NTM: variants seen among roughly 807,000 people sequenced by gnomAD.
NTM encodes the protein neurotrimin.
In NTM, 13 loss-of-function variants were observed where a neutral mutation model predicts 42.1. The ratio of observed to expected loss-of-function variants is 0.31; its 90% CI spans 0.20 to 0.49. NTM has a LOEUF of 0.49. NTM is among the 20% of genes least tolerant of loss of function. The pLI is 0.99. For synonymous variants in NTM, 187 were observed against 179.2 expected (o/e 1.04, Z -0.35); for missense variants, 373 against 452.8 (o/e 0.82, Z 1.60).
At chr11:132,175,618 C>T (rs4316517) in intron 3 of NTM, among the ~76,000 whole-genome samples, 90,626 of 150,952 alleles carry the variant, frequency 0.6, 27,642 homozygotes, top group Non-Finnish European at 0.64. Flanking sequence ...GACAGAGTCT[C>T]GCTCAGTCGC....
intron 1 of NTM, among the ~76,000 whole-genome samples, chr11:131,675,389 A>C (rs2071201208): frequency 2.0e-5 from 3 of 152,232 alleles, no homozygotes. Context: ...TATCTTACAT[A>C]ACCAGTAATA....
At chr11:131,813,678 G>A (rs1041023558) in intron 1 of NTM, among the ~76,000 whole-genome samples, 1 of 152,056 alleles carries the variant, frequency 6.6e-6, no homozygotes, top group Non-Finnish European at 1.5e-5. Context: ...AAATCAAAGT[G>A]GTATTATAAT....
At chr11:131,478,964 TGAG>T (rs1953254413) in intron 1 of NTM, among the ~76,000 whole-genome samples, 1 of 152,340 alleles carries the variant, frequency 6.6e-6, no homozygotes, top group Admixed American at 6.5e-5. Flanking sequence ...CTCCAGGACT[TGAG>T]GAGCTTGGTG....
chr11:131,714,044 C>T (rs528408832), intron 1 of NTM, among the ~76,000 whole-genome samples: 57 of 152,262 alleles, frequency 3.7e-4, no homozygotes, highest in African/African-American at 1.3e-3. Context: ...GGCTTTCTTC[C>T]CTTACTGGTC....
At chr11:132,158,746 C>G (rs1277230310) in intron 3 of NTM, among the ~76,000 whole-genome samples, 1 of 152,220 alleles carries the variant, frequency 6.6e-6, no homozygotes, top group African/African-American at 2.4e-5. Context: ...TTACTTCTAT[C>G]AAAATGTTTT....
intron 1 of NTM, among the ~76,000 whole-genome samples, chr11:131,430,817 T>C (rs1360215562): frequency 6.6e-6 from 1 of 152,248 alleles, no homozygotes; most frequent in Non-Finnish European, 1.5e-5. Context: ...AGGACCTTTC[T>C]GGGCCACACA....
intron 2 of NTM, among the ~76,000 whole-genome samples, chr11:131,929,150 G>GA (rs2058301433): frequency 6.6e-6 from 1 of 151,144 alleles, no homozygotes; most frequent in African/African-American, 2.5e-5. Context: ...GGCAGCCAGG[G>GA]AGGGAAAGGA....
At chr11:132,309,893 T>TA (rs1429932763) in intron 5 of NTM, among the ~76,000 whole-genome samples, 1 of 151,974 alleles carries the variant, frequency 6.6e-6, no homozygotes, top group African/African-American at 2.4e-5. Context: ...CCGTCGCTGC[T>TA]AAAAATACAA....
intron 2 of NTM, among the ~76,000 whole-genome samples, chr11:132,075,676 A>G (rs544681164): frequency 2.6e-5 from 4 of 152,336 alleles, no homozygotes; most frequent in African/African-American, 9.6e-5. Context: ...ATCTAAAAAT[A>G]AACTGTTTAT....
intron 1 of NTM, among the ~76,000 whole-genome samples, chr11:131,800,984 G>A (rs1321650559): frequency 6.6e-6 from 1 of 152,136 alleles, no homozygotes; most frequent in African/African-American, 2.4e-5. Flanking sequence ...CCGGTTATAG[G>A]AAATTGCTAT....
chr11:132,334,851 C>T (rs186648072), intron 8 of NTM, 195 bp from the exon 9 acceptor site: 17 of 451,062 alleles, frequency 3.8e-5, no homozygotes, highest in South Asian at 1.9e-4. Flanking sequence ...GAAGGCTTCC[C>T]GTTATCTAGT....
At chr11:132,038,727 A>G (rs1432308070) in intron 2 of NTM, among the ~76,000 whole-genome samples, 1 of 152,158 alleles carries the variant, frequency 6.6e-6, no homozygotes, top group Non-Finnish European at 1.5e-5. Context: ...TTGCATGGAT[A>G]TTCCAGGTGA....
intron 1 of NTM, among the ~76,000 whole-genome samples, chr11:131,726,321 ATGG>A (rs2078965425): frequency 6.6e-6 from 1 of 152,142 alleles, no homozygotes; most frequent in Admixed American, 6.5e-5. Context: ...GCTTAAAAAA[ATGG>A]TGGTTGCACA....
In NTM at chr11:131,598,555, C is replaced by A. The variant is rs565204584; in HGVS notation, c.82+227667C>A. Among the ~76,000 whole-genome samples, 314 of 152,178 alleles carry A rather than the reference C, an allele frequency of 2.1e-3. 2 individuals carry two copies. Among genetic ancestry groups the A allele is most frequent in the African/African-American group, 7.4e-3 (308 of 41,528 alleles). On this transcript the variant is annotated intron_variant, in intron 1 of 8. Coordinates refer to ENST00000683400, the MANE Select transcript of NTM (RefSeq NM_001352005.2). ...ATGTGTGCACTCGGGGCGGAGAGCT[C>A]CCCCCTCCATTAGTCACTGGGGTCC...
Position 131,598,871 on chromosome 11 carries a change from TCCTTCTTCCTTCCTTCCTTCCTTC to T in NTM, c.82+227985_82+228008del, listed in dbSNP as rs1565686920. On this transcript the variant is annotated intron_variant, in intron 1 of 8. Transcript: ENST00000683400. The stretch of plus-strand genomic sequence containing the variant: ...TTTCTTCCTTCCTTCCTTCCTTCCT[TCCTTCTTCCTTCCTTCCTTCCTTC>T]CTTCCTTCCTTCCTTCCTTCCTTCC... 1.3e-4 allele frequency among the ~76,000 whole-genome samples: 10 copies of T among 76,740 alleles called. 1 individual carries two copies. The highest frequency in any genetic ancestry group is 5.3e-4 in the African/African-American group (10 of 18,828). The allele number at this position is 76,740 out of a possible 152,430, so 50.3% of individuals were successfully genotyped here. A position where few individuals can be genotyped will look rare whatever the true frequency, so the allele number is the denominator to read the frequency against.
chr11:132,317,299 G>GGGAA (rs1192154744), intron 7 of NTM, among the ~76,000 whole-genome samples: 4 of 151,138 alleles, frequency 2.6e-5, no homozygotes, highest in Middle Eastern at 6.8e-3. Context: ...GATGGGGGTG[G>GGGAA]GGAAGTGGGA....
rs376741709 is a variant in NTM at position 132,093,908 on chromosome 11, G to T, written c.168-52374G>T. On this transcript the variant is annotated intron_variant, in intron 2 of 8. Transcript: ENST00000683400. ...AAATTTCAGAGTTTAATTGAGCAAA[G>T]AGCCAATTAAATCCGGTAGTTTCCT... Among the ~76,000 whole-genome samples, 9 of 152,316 alleles carry T rather than the reference G, an allele frequency of 5.9e-5. No homozygotes were observed. The East Asian group carries it at 1.7e-3, about 29-fold the overall frequency.
At chr11:131,585,153 T>A (rs746641867) in intron 1 of NTM, among the ~76,000 whole-genome samples, 6 of 152,224 alleles carry the variant, frequency 3.9e-5, no homozygotes, top group Non-Finnish European at 5.9e-5. Context: ...TTTGAGAACA[T>A]CTGAGACAAA....
intron 1 of NTM, among the ~76,000 whole-genome samples, chr11:131,630,237 C>A (rs2063518597): frequency 6.6e-6 from 1 of 152,134 alleles, no homozygotes; most frequent in Non-Finnish European, 1.5e-5. Flanking sequence ...CAATCTCTGC[C>A]TTGGATCAGG....
Sources: gnomAD v4.1 joint callset for allele counts (sites outside exome capture counted in the v4.1 genomes callset) on GRCh38, gnomAD v4.1.1 for gene constraint, MANE v1.5 for transcripts, NCBI Gene and HGNC (gene_info 2026-07-23, HGNC 2026-07-21) for gene names.